The following DNAH1 variants were observed in gnomAD, a reference collection of about 807,000 sequenced individuals.
DNAH1 encodes the protein axonemal beta dynein heavy chain 1.
In DNAH1, 327 loss-of-function variants were observed where a neutral mutation model predicts 484.3. That is an observed-to-expected ratio of 0.68 (90% CI 0.62 to 0.74). The LOEUF is 0.74. Ranked by LOEUF, DNAH1 falls within the 30% of genes least tolerant of loss-of-function variation. DNAH1 has a pLI of 0.00. For missense variants in DNAH1, 5,052 were observed against 5,546.8 expected (o/e 0.91, Z 2.83); for synonymous variants, 2,192 against 2,191.9 (o/e 1.00, Z 0.00).
chr3:52,311,809 G>T (rs181934540), upstream of DNAH1, among the ~76,000 whole-genome samples: 1 of 152,318 alleles, frequency 6.6e-6, no homozygotes, highest in East Asian at 1.9e-4. Context: ...GCATCAGGAC[G>T]AGACCTGTGA....
rs1702590201 is a variant in DNAH1, at chr3:52,355,917, G to A, written c.3694-697G>A. On this transcript the variant is annotated intron_variant, in intron 21 of 77. Transcript: ENST00000420323. This position sits in a 1 kb window ranked among gnomAD's most constrained non-coding sequence, Gnocchi z 4.5. ...ACACATGCCGGGCCCATGATTCAGG[G>A]GCAGAACTGGCCCCTTAGTGGGCTG... 1.3e-5 allele frequency among the ~76,000 whole-genome samples: 2 copies of A among 152,208 alleles called. No homozygotes were observed. The highest frequency in any genetic ancestry group is 4.8e-5 in the African/African-American group (2 of 41,452).
chr3:52,357,817 G>A, intron 23 of DNAH1, 81 bp from the exon 24 acceptor site: 2 of 1,577,702 alleles, frequency 1.3e-6, no homozygotes, highest in African/African-American at 2.7e-5. Context: ...AGGCTAGGGT[G>A]CGGGGATGTC....
chr3:52,328,004 C>T lies in DNAH1; in HGVS notation c.861C>T (p.Phe287=), dbSNP rs767628943. 1 of 1,613,788 alleles carries T rather than the reference C, an allele frequency of 6.2e-7. No individual in the cohort carries two copies. The change falls in exon 6 of 78, where the codon TTC becomes TTT. Residue 287 remains phenylalanine, a synonymous_variant. Transcript: ENST00000420323. ...PGKALLPTDD[F]LGHEDPKSQK... Reference sequence around the variant, plus strand: ...AAGCCCTCTTGCCCACTGATGACTTCCTGGGGCATGGTGAGCAAGGCCACT... The same window carrying T: ...AAGCCCTCTTGCCCACTGATGACTTTCTGGGGCATGGTGAGCAAGGCCACT...
intron 8 of DNAH1, among the ~76,000 whole-genome samples, chr3:52,338,485 C>T (rs1358191516): frequency 6.6e-6 from 1 of 152,168 alleles, no homozygotes; most frequent in Admixed American, 6.5e-5. Flanking sequence ...CTTCAACTTA[C>T]AATAAACTCT....
Position 52,396,663 on chromosome 3 carries a change from G to A in DNAH1, c.11476G>A (p.Gly3826Arg). Residue 3826 changes from glycine to arginine, a missense_variant, in exon 72 of 78, where the codon GGG becomes AGG. Physicochemically the swap from Gly to Arg is moderately radical, Grantham distance 125. Coordinates refer to ENST00000420323, the MANE Select transcript of DNAH1 (RefSeq NM_015512.5). ...GCTGCTGTCTCTGTGCTTGTTCCAT[G>A]GGAACGCCCTGGAGCGCCGTAAGTT... ...SLLLSLCLFH[G>R]NALERRKFGP... 1 of 1,613,624 alleles carries A rather than the reference G, an allele frequency of 6.2e-7. No individual in the cohort carries two copies. Among genetic ancestry groups the A allele is most frequent in the Non-Finnish European group, 8.5e-7 (1 of 1,179,826 alleles).
chr3:52,384,732 C>A, intron 52 of DNAH1, 54 bp from the exon 53 acceptor site: 1 of 1,495,124 alleles, frequency 6.7e-7, no homozygotes, highest in Non-Finnish European at 8.9e-7. Flanking sequence ...GCACCCAGTC[C>A]CTGTCTTTCC....
intron 44 of DNAH1, 44 bp from the exon 45 acceptor site, chr3:52,375,196 C>T: frequency 6.4e-7 from 1 of 1,552,320 alleles, no homozygotes; most frequent in East Asian, 2.4e-5. Context: ...GGTCATAATG[C>T]AGCCCTGGCC....
intron 70 of DNAH1, 111 bp from the exon 71 acceptor site, chr3:52,396,257 T>A: frequency 1.6e-6 from 2 of 1,217,756 alleles, no homozygotes; most frequent in Non-Finnish European, 2.3e-6. Flanking sequence ...TAACCAGTTG[T>A]CTGTGCAGCC....
rs1327933716 is a variant in DNAH1 at position 52,357,739 on chromosome 3, G to A, written c.3980+4G>A. On this transcript the variant is annotated splice_donor_region_variant and intron_variant, in intron 23 of 77. Coordinates refer to ENST00000420323, the MANE Select transcript of DNAH1 (RefSeq NM_015512.5). ...CCAAGAGGAGCGCCTTCCCCAGGTG[G>A]GCGCCACCTGGCCATGCCCACTCCG... The A allele has an allele frequency of 1.9e-6, 3 of 1,574,092 alleles. No homozygotes were observed. Among genetic ancestry groups the A allele is most frequent in the Non-Finnish European group, 2.6e-6 (3 of 1,159,910 alleles).
At chr3:52,311,518 A>G (rs1278063621), upstream of DNAH1, among the ~76,000 whole-genome samples, 2 of 152,088 alleles carry the variant, frequency 1.3e-5, no homozygotes, top group Non-Finnish European at 2.9e-5. Flanking sequence ...AGCAGCCAGG[A>G]GAGGAGACTG....
chr3:52,380,653 C>T (rs959417562), intron 48 of DNAH1, among the ~76,000 whole-genome samples: 9 of 152,332 alleles, frequency 5.9e-5, no homozygotes, highest in East Asian at 3.9e-4. Context: ...GGTCAGGCCT[C>T]GTGCAGGGGG....
rs3864111 is a variant in DNAH1 at position 52,331,245 on chromosome 3, C to T, written c.969C>T (p.Asp323=). The change falls in exon 7 of 78, where the codon GAC becomes GAT. Residue 323 remains aspartate, a synonymous_variant. Coordinates refer to ENST00000420323, the MANE Select transcript of DNAH1 (RefSeq NM_015512.5). ...AGCTATACCTGGTACACAAGACAGA[C>T]GAGAAAGGCCTGGTGCGAGATGAGA... The part of the protein sequence containing the change: ...EKKLYLVHKT[D]EKGLVRDEMG... 1,411 of 1,611,422 alleles carry T rather than the reference C, an allele frequency of 8.8e-4. 31 individuals are homozygous for T. In the East Asian group the frequency reaches 0.03, roughly 34 times the overall value.
rs1185500139 is a variant in DNAH1 at position 52,345,572 on chromosome 3, G to C, written c.1522G>C (p.Glu508Gln). ...FTFVSLLTRP[E>Q]VITALSKVRA... Reference sequence around the variant, plus strand: ...TTTCGTGTCCCTGCTCACACGGCCAGAGGTCATCACGGCCCTCAGCAAGGT... The same window carrying C: ...TTTCGTGTCCCTGCTCACACGGCCACAGGTCATCACGGCCCTCAGCAAGGT... The change falls in exon 10 of 78, where the codon GAG becomes CAG. Residue 508 changes from glutamate (E) to glutamine (Q), a missense_variant. Glu to Gln is a conservative substitution (Grantham distance 29, BLOSUM62 2). Coordinates refer to ENST00000420323, the MANE Select transcript of DNAH1 (RefSeq NM_015512.5). The C allele has an allele frequency of 1.2e-6, 2 of 1,600,572 alleles. No homozygotes were observed. Among genetic ancestry groups the C allele is most frequent in the Non-Finnish European group, 1.7e-6 (2 of 1,173,298 alleles).
At position 52,383,393 on chromosome 3, in the gene DNAH1, A is replaced by G. The variant is rs1417452896; in HGVS notation, c.7949A>G (p.Asn2650Ser). 12 of 1,613,664 alleles carry G rather than the reference A, an allele frequency of 7.4e-6. No homozygotes were observed. Among genetic ancestry groups the G allele is most frequent in the Non-Finnish European group, 1.0e-5 (12 of 1,179,800 alleles). ...TFLFSDTQIK[N>S]ESFLEDINNV... ...TCCTTCACCCCTCCCCAGATCAAGA[A>G]CGAATCCTTCCTGGAAGATATCAAC... Residue 2650 changes from asparagine to serine, a missense_variant, in exon 51 of 78, where the codon AAC (asparagine) becomes AGC (serine). This residue lies in a region of DNAH1 where 2,929 missense variants were observed against 3,409.4 expected (regional missense o/e 0.86). Coordinates refer to ENST00000420323, the MANE Select transcript of DNAH1 (RefSeq NM_015512.5).
rs757099027 is a variant in DNAH1, at chr3:52,391,159, C to T, written c.9742-20C>T. On this transcript the variant is annotated intron_variant, in intron 61 of 77. Coordinates refer to ENST00000420323, the MANE Select transcript of DNAH1 (RefSeq NM_015512.5). Reference sequence around the variant, plus strand: ...TGGCTCTCAGTCCCTGCAACCCCTTCTTTTCCCCTTCCCTTACAGGAGAAG... The same window carrying T: ...TGGCTCTCAGTCCCTGCAACCCCTTTTTTTCCCCTTCCCTTACAGGAGAAG... 28 of 1,613,534 alleles carry T rather than the reference C, an allele frequency of 1.7e-5. No homozygotes were observed. The Middle Eastern group carries it at 8.3e-4, about 48-fold the overall frequency.
At position 52,362,983 on chromosome 3, in the gene DNAH1, T is replaced by A; in HGVS notation, c.5095-12T>A. The A allele has an allele frequency of 6.2e-7, 1 of 1,613,808 alleles. No homozygotes were observed. Among genetic ancestry groups the A allele is most frequent in the Non-Finnish European group, 8.5e-7 (1 of 1,179,794 alleles). On this transcript the variant is annotated splice_polypyrimidine_tract_variant and intron_variant, in intron 31 of 77. Coordinates refer to ENST00000420323, the MANE Select transcript of DNAH1 (RefSeq NM_015512.5). The surrounding 1 kb of genome is among the most constrained non-coding windows in gnomAD (Gnocchi z 5.1). ...CTCTGTTTGCTGTTCACATGTGCAC[T>A]GTGTGTCCCAGGCGCTCTTCCGACC...
chr3:52,343,264 A>G (rs766411185), intron 8 of DNAH1, among the ~76,000 whole-genome samples: 2 of 152,128 alleles, frequency 1.3e-5, no homozygotes, highest in Non-Finnish European at 2.9e-5. Flanking sequence ...GCGGCTTCTA[A>G]TGTGGGACAT....
intron 1 of DNAH1, among the ~76,000 whole-genome samples, chr3:52,318,325 C>T (rs1245645900): frequency 6.6e-6 from 1 of 152,218 alleles, no homozygotes; most frequent in Non-Finnish European, 1.5e-5. Context: ...GGATTACAGG[C>T]GTGAGCCACT....
intron 34 of DNAH1, among the ~76,000 whole-genome samples, chr3:52,365,511 T>C (rs536012148): frequency 9.9e-5 from 15 of 152,158 alleles, no homozygotes; most frequent in Non-Finnish European, 1.9e-4. Flanking sequence ...CTTCACTGAC[T>C]TGTTGCAAAG....
Sources: gnomAD v4.1 joint callset for allele counts (sites outside exome capture counted in the v4.1 genomes callset) on GRCh38, gnomAD v4.1.1 for gene constraint, gnomAD v4.1.1 regional missense constraint, Gnocchi (gnomAD v3.1) non-coding constraint, MANE v1.5 for transcripts, NCBI Gene and HGNC (gene_info 2026-07-23, HGNC 2026-07-21) for gene names.